The following CASP2 variants were observed in gnomAD, a reference collection of about 807,000 sequenced individuals.
CASP2 encodes caspase-2.
CASP2 carries 38 observed loss-of-function variants against 54.4 expected under a neutral mutation model. The ratio of observed to expected loss-of-function variants is 0.70; its 90% CI spans 0.54 to 0.92. CASP2 has a LOEUF of 0.92. Among genes scored for constraint, CASP2 ranks in the 40% least tolerant of loss-of-function variants. CASP2 has a pLI of 0.00. For synonymous variants in CASP2, 215 were observed against 216.3 expected (o/e 0.99, Z 0.05); for missense variants, 512 against 579.6 (o/e 0.88, Z 1.20).
chr7:143,289,728 T>C (rs1202498333), intron 1 of CASP2: 1 of 445,538 alleles, frequency 2.2e-6, no homozygotes, highest in Non-Finnish European at 3.0e-6. Flanking sequence ...TGATTCATTC[T>C]TAAATAGGTT....
rs931205807 is a variant in CASP2, at chr7:143,300,548, C to T, written c.967+254C>T. 1.1e-5 allele frequency: 16 copies of T among 1,523,534 alleles called. No individual in the cohort carries two copies. In the African/African-American group the frequency reaches 2.2e-4, roughly 21 times the overall value. 94.4% of individuals were successfully genotyped at this position (1,523,534 alleles called of 1,614,324 possible). On this transcript the variant is annotated intron_variant, in intron 8 of 10. Coordinates refer to ENST00000310447, the MANE Select transcript of CASP2 (RefSeq NM_032982.4). ...ATATCCTGTTTTCAGGTCTCTTATC[C>T]CGTGTCTTTGCCTTCCTTTCTGAGA... is the stretch of plus-strand genomic sequence containing the variant.
At chr7:143,295,317 G>A (rs1801712015) in intron 6 of CASP2, among the ~76,000 whole-genome samples, 2 of 152,100 alleles carry the variant, frequency 1.3e-5, no homozygotes, top group South Asian at 2.1e-4. Context: ...CATGAGCTAC[G>A]GCACCTGGCT....
intron 1 of CASP2, among the ~76,000 whole-genome samples, chr7:143,289,280 G>A (rs1027021116): frequency 6.6e-6 from 1 of 152,176 alleles, no homozygotes; most frequent in Non-Finnish European, 1.5e-5. Flanking sequence ...TAAATGATTG[G>A]AAACTTTTAT....
intron 4 of CASP2, among the ~76,000 whole-genome samples, chr7:143,293,709 A>G (rs898410682): frequency 1.3e-5 from 2 of 151,840 alleles, no homozygotes; most frequent in South Asian, 4.2e-4. Flanking sequence ...ATGGGGTTTC[A>G]CCATCTCCTG....
intron 1 of CASP2, 110 bp downstream of exon 1, chr7:143,288,639 C>A (rs912438508): frequency 2.4e-5 from 25 of 1,028,604 alleles, no homozygotes; most frequent in Non-Finnish European, 3.1e-5. Flanking sequence ...GGAAAGCAGC[C>A]GTGTCCGCGC....
At chr7:143,290,093 C>T (rs1801512060) in intron 1 of CASP2, among the ~76,000 whole-genome samples, 1 of 110,938 alleles carries the variant, frequency 9.0e-6, no homozygotes, top group Admixed American at 1.3e-4. Context: ...GGAGTCTTTG[C>T]TGTGTCACCC....
chr7:143,304,892 T>C, intron 10 of CASP2, 48 bp from the exon 11 acceptor site: 3 of 1,613,978 alleles, frequency 1.9e-6, no homozygotes, highest in Non-Finnish European at 2.5e-6. Context: ...GCTGCTCTCC[T>C]GAAGCCCGAG....
rs548676557 is a variant in CASP2, at chr7:143,288,617, C to T, written c.74+88C>T. The stretch of plus-strand genomic sequence containing the variant: ...GGCGTGCGGCCCTGCAGCCCCCTCC[C>T]CTCGGAGCCCCGGAAAGCAGCCGTG... On this transcript the variant is annotated intron_variant, in intron 1 of 10. Coordinates refer to ENST00000310447, the MANE Select transcript of CASP2 (RefSeq NM_032982.4). 280 of 1,201,810 alleles carry T rather than the reference C, an allele frequency of 2.3e-4. 4 individuals are homozygous for T. The South Asian group carries it at 3.5e-3, about 15-fold the overall frequency. 74.4% of individuals were successfully genotyped at this position (1,201,810 alleles called of 1,614,324 possible).
Position 143,288,648 on chromosome 7 carries a change from G to A in CASP2, c.74+119G>A, listed in dbSNP as rs1801457240. The A allele has an allele frequency of 8.2e-6, 8 of 974,210 alleles. 1 individual carries two copies. The South Asian group carries it at 1.1e-4, about 13-fold the overall frequency. 60.3% of individuals were successfully genotyped at this position (974,210 alleles called of 1,614,324 possible). ...AGCCCCGGAAAGCAGCCGTGTCCGC[G>A]CTTCCTGCCAAGGGTGGGACGCCCG... On this transcript the variant is annotated intron_variant, in intron 1 of 10. Transcript: ENST00000310447.
chr7:143,303,560 C>T (rs939821749), intron 8 of CASP2: 12 of 473,152 alleles, frequency 2.5e-5, no homozygotes, highest in East Asian at 1.6e-4. Flanking sequence ...TGTGCTTGAG[C>T]GTGGTGCCCG....
At chr7:143,292,800 C>T (rs1275840755) in intron 4 of CASP2, 102 bp downstream of exon 4, 5 of 896,574 alleles carry the variant, frequency 5.6e-6, no homozygotes, top group Non-Finnish European at 9.3e-6. Context: ...CACCTGAGGT[C>T]AGGAGTTCGA....
At chr7:143,302,802 C>T (rs866814918) in intron 8 of CASP2, 6 of 152,196 alleles carry the variant, frequency 3.9e-5, no homozygotes, top group African/African-American at 1.4e-4. Flanking sequence ...AATAAAACAA[C>T]ATCATCAAAA....
chr7:143,299,578 G>A (rs1352639235), intron 6 of CASP2, among the ~76,000 whole-genome samples: 1 of 152,196 alleles, frequency 6.6e-6, no homozygotes. Context: ...ATATACAAGG[G>A]CAGTTGCTCT....
At chr7:143,294,137 C>T (rs1432513580) in intron 4 of CASP2, 93 bp from the exon 5 acceptor site, 4 of 794,106 alleles carry the variant, frequency 5.0e-6, no homozygotes, top group Non-Finnish European at 6.8e-6. Context: ...TTTATCACAA[C>T]CCAGTTGCAA....
chr7:143,304,237 AGCTGC>A (rs1230568514), intron 9 of CASP2, among the ~76,000 whole-genome samples: 1 of 152,222 alleles, frequency 6.6e-6, no homozygotes, highest in East Asian at 1.9e-4. Context: ...TGGGATGCTC[AGCTGC>A]TTTTTACAAA....
chr7:143,292,162 G>A, intron 2 of CASP2, 138 bp from the exon 3 acceptor site: 1 of 792,386 alleles, frequency 1.3e-6, no homozygotes, highest in Non-Finnish European at 2.1e-6. Context: ...AAGAATAACA[G>A]AAAGGACTTC....
intron 4 of CASP2, among the ~76,000 whole-genome samples, chr7:143,293,512 G>T (rs12111987): frequency 0.085 from 12,083 of 142,064 alleles, 693 homozygotes; most frequent in African/African-American, 0.18. Context: ...GTGGTTTTTT[G>T]TTTTTTTTTT....
intron 6 of CASP2, among the ~76,000 whole-genome samples, chr7:143,299,551 T>A (rs1433478114): frequency 6.6e-6 from 1 of 152,240 alleles, no homozygotes; most frequent in African/African-American, 2.4e-5. Context: ...ACACTTTGAG[T>A]CACCCTTGTG....
chr7:143,294,366 T>C (rs1362200844), intron 5 of CASP2, 42 bp downstream of exon 5: 1 of 1,330,820 alleles, frequency 7.5e-7, no homozygotes. Flanking sequence ...AGTTGGGAAA[T>C]TAGACACCCT....
Sources: gnomAD v4.1 joint callset for allele counts (sites outside exome capture counted in the v4.1 genomes callset) on GRCh38, gnomAD v4.1.1 for gene constraint, MANE v1.5 for transcripts, NCBI Gene and HGNC (gene_info 2026-07-23, HGNC 2026-07-21) for gene names.